The following HECW2 variants were observed in gnomAD, a reference collection of about 807,000 sequenced individuals.
The protein encoded by HECW2 is HECT, C2 and WW domain containing E3 ubiquitin protein ligase 2.
A neutral mutation model predicts 175.2 loss-of-function variants in HECW2; 61 were observed. The observed-to-expected ratio is 0.35, with a 90% CI of 0.28 to 0.43. The LOEUF (loss-of-function observed/expected upper bound fraction) is 0.43, where lower values mean the gene tolerates loss of function less well. Among genes scored for constraint, HECW2 ranks in the 20% least tolerant of loss-of-function variants. HECW2 has a pLI of 1.00. For synonymous variants in HECW2, 671 were observed against 731.0 expected, an observed-to-expected ratio of 0.92 and a Z score of 1.32; for missense variants, 1,524 against 2,000.5, an observed-to-expected ratio of 0.76 and a Z score of 4.54.
chr2:196,214,098 A>G (rs1687385599), intron 28 of HECW2, among the ~76,000 whole-genome samples: 1 of 152,228 alleles, frequency 6.6e-6, no homozygotes, highest in African/African-American at 2.4e-5. Context: ...GGCCAGAGAC[A>G]GTATTAAGTA....
At chr2:196,303,426 T>G (rs1691142002) in intron 13 of HECW2, among the ~76,000 whole-genome samples, 4 of 152,224 alleles carry the variant, frequency 2.6e-5, no homozygotes. Flanking sequence ...GCTCATAGAA[T>G]GAGTTAGGGA....
At chr2:196,350,059 G>T (rs1693115248) in intron 2 of HECW2, among the ~76,000 whole-genome samples, 2 of 152,080 alleles carry the variant, frequency 1.3e-5, no homozygotes, top group African/African-American at 4.8e-5. Context: ...TGAGGGGGTG[G>T]GTGGTGCTTC....
intron 2 of HECW2, chr2:196,362,272 C>T (rs1444575482): frequency 1.2e-6 from 1 of 819,712 alleles, no homozygotes; most frequent in Non-Finnish European, 1.5e-6. Context: ...CCTCAGCTTC[C>T]TTCCTTTGCT....
At chr2:196,573,263 A>C (rs1690448474) in intron 1 of HECW2, among the ~76,000 whole-genome samples, 1 of 152,086 alleles carries the variant, frequency 6.6e-6, no homozygotes, top group African/African-American at 2.4e-5. Flanking sequence ...AAAAAAAAAA[A>C]ATGTCAAAAT....
chr2:196,419,055 T>C (rs1695335244), intron 2 of HECW2, among the ~76,000 whole-genome samples: 1 of 152,224 alleles, frequency 6.6e-6, no homozygotes, highest in Admixed American at 6.5e-5. Context: ...GCACAGATAA[T>C]GCAGCACAGA....
intron 2 of HECW2, among the ~76,000 whole-genome samples, chr2:196,384,582 C>CA (rs937509322): frequency 1.1e-3 from 170 of 149,972 alleles, no homozygotes; most frequent in African/African-American, 3.8e-3. Flanking sequence ...ACCCTGTCTC[C>CA]AAAAAAAAAT....
At chr2:196,356,513 T>C (rs1437579858) in intron 2 of HECW2, among the ~76,000 whole-genome samples, 1 of 152,218 alleles carries the variant, frequency 6.6e-6, no homozygotes, top group East Asian at 1.9e-4. Context: ...CATCTCTCTG[T>C]CCAGCAGGTC....
At position 196,240,519 on chromosome 2, in the gene HECW2, G is replaced by C. The variant is rs1237939459; in HGVS notation, c.3694C>G (p.Gln1232Glu). ...RDHLLEDAFN[Q>E]IMGYSRKDLQ... ...TCTTTTCTGGAGTAGCCCATAATCT[G>C]ATTAAAAGCATCTTCTAGTAAGTGA... The change falls in exon 21 of 29, where the codon CAG (glutamine) becomes GAG (glutamate). Residue 1232 changes from glutamine to glutamate, a missense_variant. Coordinates refer to ENST00000644978, the MANE Select transcript of HECW2 (RefSeq NM_001348768.2). The C allele has an allele frequency of 1.9e-6, 3 of 1,611,242 alleles. No homozygotes were observed. The highest frequency in any genetic ancestry group is 2.5e-6 in the Non-Finnish European group (3 of 1,179,116).
chr2:196,455,208 A>G (rs1041936227), intron 1 of HECW2, among the ~76,000 whole-genome samples: 1 of 151,926 alleles, frequency 6.6e-6, no homozygotes, highest in African/African-American at 2.4e-5. Context: ...TAATTTTTGC[A>G]TTTTTAGTTG....
chr2:196,362,103 C>T, intron 2 of HECW2: 1 of 985,272 alleles, frequency 1.0e-6, no homozygotes. Flanking sequence ...ACAAGAGGCT[C>T]CTGTCCAGTA....
intron 17 of HECW2, among the ~76,000 whole-genome samples, chr2:196,268,902 G>A (rs931418664): frequency 2.0e-5 from 3 of 152,114 alleles, no homozygotes; most frequent in African/African-American, 7.2e-5. Context: ...CAATTTTTTA[G>A]AACTAAAACT....
intron 1 of HECW2, among the ~76,000 whole-genome samples, chr2:196,544,257 C>T (rs1689327260): frequency 6.6e-6 from 1 of 152,202 alleles, no homozygotes; most frequent in Non-Finnish European, 1.5e-5. Flanking sequence ...TCCAGCCCAG[C>T]CTCTAGCAGG....
At position 196,487,092 on chromosome 2, in the gene HECW2, T is replaced by A. The variant is rs1423418008; in HGVS notation, c.-35-53634A>T. 2.0e-5 allele frequency among the ~76,000 whole-genome samples: 3 copies of A among 149,320 alleles called. No individual in the cohort carries two copies. The Admixed American group carries it at 2.0e-4, about 10-fold the overall frequency. On this transcript the variant is annotated intron_variant, in intron 1 of 28. Coordinates refer to ENST00000644978, the MANE Select transcript of HECW2 (RefSeq NM_001348768.2). ...TGAACCCAGGAGACGGAGGTTGTGG[T>A]GAGCCAAGATCGCACCACTGCACTC...
At chr2:196,230,975 T>C (rs538467137) in intron 21 of HECW2, among the ~76,000 whole-genome samples, 18 of 150,952 alleles carry the variant, frequency 1.2e-4, no homozygotes, top group African/African-American at 4.1e-4. Context: ...TGGTGGCGCA[T>C]GCCTGTAATC....
intron 16 of HECW2, among the ~76,000 whole-genome samples, chr2:196,272,045 A>G (rs575927691): frequency 6.6e-6 from 1 of 152,320 alleles, no homozygotes; most frequent in South Asian, 2.1e-4. Context: ...CACAGAAATG[A>G]CAAGTCAGAA....
At chr2:196,517,461 T>C (rs1466999022) in intron 1 of HECW2, among the ~76,000 whole-genome samples, 1 of 152,232 alleles carries the variant, frequency 6.6e-6, no homozygotes, top group Non-Finnish European at 1.5e-5. Flanking sequence ...TTTATTACAA[T>C]ATTTCTACTG....
intron 1 of HECW2, among the ~76,000 whole-genome samples, chr2:196,576,770 A>G (rs772582849): frequency 1.3e-5 from 2 of 152,254 alleles, no homozygotes; most frequent in Non-Finnish European, 2.9e-5. Flanking sequence ...TGTGGTGATC[A>G]TTTCACAATG....
chr2:196,504,908 G>C (rs766712038), intron 1 of HECW2, among the ~76,000 whole-genome samples: 1 of 151,850 alleles, frequency 6.6e-6, no homozygotes, highest in Admixed American at 6.6e-5. Context: ...TGAGTGCAGA[G>C]AGATTAAGCA....
intron 1 of HECW2, among the ~76,000 whole-genome samples, chr2:196,566,622 C>T (rs1690197960): frequency 6.6e-6 from 1 of 150,932 alleles, no homozygotes; most frequent in Non-Finnish European, 1.5e-5. Context: ...ACCTCTGCCT[C>T]CCCAGGGTCA....
Sources: gnomAD v4.1 joint callset for allele counts (sites outside exome capture counted in the v4.1 genomes callset) on GRCh38, gnomAD v4.1.1 for gene constraint, MANE v1.5 for transcripts, NCBI Gene and HGNC (gene_info 2026-07-23, HGNC 2026-07-21) for gene names.